Variants in USP53 observed in about 807,000 individuals in gnomAD.
USP53 encodes ubiquitin specific peptidase 53.
USP53 carries 71 observed loss-of-function variants against 94.9 expected under a neutral mutation model. The ratio of observed to expected loss-of-function variants is 0.75; its 90% confidence interval spans 0.62 to 0.91. The LOEUF is 0.91. Among genes scored for constraint, USP53 ranks in the 40% least tolerant of loss-of-function variants. The pLI, the probability that USP53 is intolerant of heterozygous loss-of-function variation, is 0.00. For synonymous variants in USP53, 375 were observed against 422.7 expected (o/e 0.89, Z 1.39); for missense variants, 1,173 against 1,281.0 (o/e 0.92, Z 1.29).
At chr4:119,240,377 C>A (rs1272101384) in intron 5 of USP53, among the ~76,000 whole-genome samples, 1 of 152,122 alleles carries the variant, frequency 6.6e-6, no homozygotes, top group East Asian at 1.9e-4. Context: ...CATTTGGGCT[C>A]CACTGTTTTG....
At chr4:119,282,609 C>T (rs1420147691) in intron 17 of USP53, among the ~76,000 whole-genome samples, 3 of 152,030 alleles carry the variant, frequency 2.0e-5, no homozygotes, top group African/African-American at 7.2e-5. Context: ...TACTACGGTT[C>T]TCTAAGCCAG....
chr4:119,279,635 C>T (rs1271160608), intron 17 of USP53, among the ~76,000 whole-genome samples: 3 of 151,820 alleles, frequency 2.0e-5, no homozygotes, highest in Admixed American at 6.6e-5. Context: ...CCACCCAGTT[C>T]GAGCTTCCTG....
At chr4:119,230,847 C>G (rs558118718) in intron 3 of USP53, among the ~76,000 whole-genome samples, 1 of 152,144 alleles carries the variant, frequency 6.6e-6, no homozygotes, top group South Asian at 2.1e-4. Flanking sequence ...TAGGCCAAAG[C>G]CTTTATTGGG....
chr4:119,214,889 A>G (rs1743500268), intron 2 of USP53, among the ~76,000 whole-genome samples: 1 of 152,210 alleles, frequency 6.6e-6, no homozygotes, highest in Admixed American at 6.5e-5. Context: ...TTACTGGGGT[A>G]GGAGGGGGTA....
chr4:119,243,359 G>A (rs575053186), intron 5 of USP53, among the ~76,000 whole-genome samples: 70 of 152,162 alleles, frequency 4.6e-4, no homozygotes, highest in African/African-American at 1.6e-3. Flanking sequence ...TTAGCTGGGC[G>A]TGGTGGCAGG....
intron 17 of USP53, among the ~76,000 whole-genome samples, chr4:119,277,633 G>T (rs2149443539): frequency 1.4e-5 from 2 of 143,566 alleles, no homozygotes; most frequent in East Asian, 4.1e-4. Context: ...GTGCAGAGCT[G>T]AGTTCAATTC....
intron 17 of USP53, among the ~76,000 whole-genome samples, chr4:119,276,189 G>C (rs1328413067): frequency 8.5e-6 from 1 of 117,038 alleles, no homozygotes; most frequent in South Asian, 3.0e-4. Flanking sequence ...TTTTCAAAGG[G>C]AATGCTTCCA....
At chr4:119,235,553 C>CA (rs1190686867) in intron 4 of USP53, 142 bp downstream of exon 4, 1 of 152,186 alleles carries the variant, frequency 6.6e-6, no homozygotes, top group Non-Finnish European at 1.5e-5. Flanking sequence ...GCTGGGATTA[C>CA]ACACGTGGAC....
intron 17 of USP53, among the ~76,000 whole-genome samples, chr4:119,275,880 C>G (rs1269248297): frequency 3.3e-5 from 5 of 151,484 alleles, no homozygotes; most frequent in African/African-American, 1.2e-4. Flanking sequence ...GGAGTTCACT[C>G]ACGATTTGGC....
rs889026047 is a variant in USP53 at position 119,248,815 on chromosome 4, T to C, written c.305T>C (p.Leu102Pro). The change falls in exon 7 of 19, where the codon CTT becomes CCT. Residue 102 changes from leucine (L) to proline (P), a missense_variant. Transcript: ENST00000692078. ...ALPSDNIRHA[L>P]AESFKDEQRF... The stretch of plus-strand genomic sequence containing the variant: ...CCCTCAGATAACATAAGGCATGCTC[T>C]TGCAGAAAGTTTCAAAGATGAGCAG... The C allele has an allele frequency of 6.2e-7, 1 of 1,614,134 alleles. No homozygotes were observed. Among genetic ancestry groups the C allele is most frequent in the Non-Finnish European group, 8.5e-7 (1 of 1,180,020 alleles).
At chr4:119,247,302 TC>T (rs1187967770) in intron 6 of USP53, among the ~76,000 whole-genome samples, 14 of 152,280 alleles carry the variant, frequency 9.2e-5, no homozygotes, top group African/African-American at 2.9e-4. Context: ...GGGCTCTATT[TC>T]TCAGAGCTGA....
chr4:119,293,484 G>C lies in USP53; in HGVS notation c.*273G>C. 3.8e-6 allele frequency: 1 copy of C among 265,726 alleles called. No homozygotes were observed. Among genetic ancestry groups the C allele is most frequent in the Non-Finnish European group, 7.0e-6 (1 of 143,120 alleles). The allele number at this position is 265,726 out of a possible 1,614,324, so 16.5% of individuals were successfully genotyped here. A position where few individuals can be genotyped will look rare whatever the true frequency, so the allele number is the denominator to read the frequency against. The stretch of plus-strand genomic sequence containing the variant: ...ATATAATTTTATGATCAATATCTTA[G>C]ATATTTTAGAAATTCCCTTTGAATA... On this transcript the variant is annotated 3_prime_UTR_variant, in exon 19 of 19. Coordinates refer to ENST00000692078, the MANE Select transcript of USP53 (RefSeq NM_001371395.1).
intron 7 of USP53, 33 bp from the exon 8 acceptor site, chr4:119,256,213 A>G: frequency 6.5e-7 from 1 of 1,534,438 alleles, no homozygotes; most frequent in Admixed American, 1.8e-5. Flanking sequence ...TGCAAGATCA[A>G]CAACTCATTT....
At chr4:119,278,397 A>T (rs2149446445) in intron 17 of USP53, among the ~76,000 whole-genome samples, 1 of 147,836 alleles carries the variant, frequency 6.8e-6, no homozygotes, top group South Asian at 2.2e-4. Flanking sequence ...TGGGTTGAAA[A>T]TTCTTTTCTT....
At chr4:119,259,671 G>T in intron 9 of USP53, 149 bp from the exon 10 acceptor site, 1 of 520,882 alleles carries the variant, frequency 1.9e-6, no homozygotes, top group Non-Finnish European at 3.3e-6. Context: ...TTCACTTTAT[G>T]GAAATGTACT....
intron 3 of USP53, among the ~76,000 whole-genome samples, chr4:119,235,009 C>T (rs1746540541): frequency 6.6e-6 from 1 of 152,172 alleles, no homozygotes; most frequent in African/African-American, 2.4e-5. Flanking sequence ...TATGTTAAAG[C>T]AGGGCTGTTA....
At chr4:119,278,111 C>G (rs374141452) in intron 17 of USP53, among the ~76,000 whole-genome samples, 6 of 150,594 alleles carry the variant, frequency 4.0e-5, no homozygotes, top group Admixed American at 6.6e-5. Flanking sequence ...TTTAAAGTTA[C>G]TATTGTTATG....
intron 13 of USP53, among the ~76,000 whole-genome samples, chr4:119,268,009 T>C (rs1008387738): frequency 3.3e-5 from 5 of 150,466 alleles, no homozygotes; most frequent in Admixed American, 6.6e-5. Context: ...CTACTAAAAA[T>C]ACAAAAAATT....
chr4:119,286,583 G>T (rs1754141315), intron 17 of USP53, among the ~76,000 whole-genome samples: 1 of 151,908 alleles, frequency 6.6e-6, no homozygotes, highest in Non-Finnish European at 1.5e-5. Context: ...AACCTATGCT[G>T]CCTCCTGCTG....
Sources: allele counts gnomAD v4.1 joint callset (sites outside exome capture counted in the v4.1 genomes callset), GRCh38; gene constraint gnomAD v4.1.1; transcripts MANE v1.5; gene names NCBI Gene and HGNC (gene_info 2026-07-23, HGNC 2026-07-21).